The following GARNL3 variants were observed in gnomAD, a reference collection of about 807,000 sequenced individuals.
The protein encoded by GARNL3 is GTPase-activating Rap/Ran-GAP domain-like protein 3.
A neutral mutation model predicts 125.0 loss-of-function variants in GARNL3; 63 were observed. The ratio of observed to expected loss-of-function variants is 0.50; its 90% CI spans 0.41 to 0.62. The LOEUF is 0.62. Among genes scored for constraint, GARNL3 ranks in the 20% least tolerant of loss-of-function variants. GARNL3 has a pLI of 0.00. For synonymous variants in GARNL3, 439 were observed against 457.5 expected, an observed-to-expected ratio of 0.96 and a Z score of 0.52; for missense variants, 994 against 1,244.0, an observed-to-expected ratio of 0.80 and a Z score of 3.02.
Position 127,266,160 on chromosome 9 carries a change from G to C in GARNL3, c.144+1139G>C, listed in dbSNP as rs866314101. On this transcript the variant is annotated intron_variant, in intron 1 of 27. Coordinates refer to ENST00000373387, the MANE Select transcript of GARNL3 (RefSeq NM_032293.5). The surrounding 1 kb of genome is among the most constrained non-coding windows in gnomAD (Gnocchi z 4.0). ...ACCACCACCTCCCCTGAAGGAGCAG[G>C]TGCATAGCTATAAGTCAGAGTAGGA... is the stretch of plus-strand genomic sequence containing the variant. Among the ~76,000 whole-genome samples the C allele has an allele frequency of 6.6e-6, 1 of 152,200 alleles. No individual in the cohort carries two copies. The highest frequency in any genetic ancestry group is 2.4e-5 in the African/African-American group (1 of 41,460).
intron 1 of GARNL3, among the ~76,000 whole-genome samples, chr9:127,283,887 C>T (rs947674242): frequency 6.6e-6 from 1 of 152,116 alleles, no homozygotes; most frequent in Non-Finnish European, 1.5e-5. Flanking sequence ...GGTGTATGAC[C>T]ATAGCAGAGA....
chr9:127,318,670 A>C (rs2065307301), intron 5 of GARNL3, among the ~76,000 whole-genome samples: 6 of 143,550 alleles, frequency 4.2e-5, no homozygotes, highest in African/African-American at 7.7e-5. Context: ...CCACCCTCCC[A>C]CCTCCCTCTC....
At chr9:127,343,701 G>A (rs1829987798) in intron 14 of GARNL3, among the ~76,000 whole-genome samples, 1 of 152,204 alleles carries the variant, frequency 6.6e-6, no homozygotes, top group African/African-American at 2.4e-5. Context: ...TACTAAGTAT[G>A]CACTAGGCAC....
At chr9:127,269,554 T>C (rs2063772381) in intron 1 of GARNL3, among the ~76,000 whole-genome samples, 1 of 152,262 alleles carries the variant, frequency 6.6e-6, no homozygotes, top group South Asian at 2.1e-4. Flanking sequence ...AAAGTTTCTA[T>C]TTCTCCACAA....
At chr9:127,302,347 A>G (rs559044168) in intron 2 of GARNL3, among the ~76,000 whole-genome samples, 4 of 152,272 alleles carry the variant, frequency 2.6e-5, no homozygotes, top group African/African-American at 7.2e-5. Context: ...AAGACCTTCT[A>G]TTGCTAGGAC....
chr9:127,366,670 G>A (rs892910721), intron 22 of GARNL3: 2 of 152,228 alleles, frequency 1.3e-5, no homozygotes, highest in Non-Finnish European at 2.9e-5. Flanking sequence ...GAGAAGTTAA[G>A]AACAGAAAGA....
chr9:127,277,840 A>T (rs2063996732), intron 1 of GARNL3, among the ~76,000 whole-genome samples: 1 of 152,178 alleles, frequency 6.6e-6, no homozygotes, highest in Non-Finnish European at 1.5e-5. Flanking sequence ...TTCACTATCT[A>T]GAACCCCACA....
At chr9:127,231,183 T>C (rs1486448396) in intron 1 of GARNL3, among the ~76,000 whole-genome samples, 5 of 146,512 alleles carry the variant, frequency 3.4e-5, no homozygotes, top group African/African-American at 1.2e-4. Context: ...GCTTCCCTAG[T>C]AGCTGGGACT....
chr9:127,384,537 T>C lies in GARNL3; in HGVS notation c.2270-490T>C, dbSNP rs1003788829. ...GGACACTGCGAGGGCCAGTGAGGAA[T>C]AAGATGCAGCCCCGGCTCAGACGTG... On this transcript the variant is annotated intron_variant, in intron 23 of 27. Transcript: ENST00000373387. This position sits in a 1 kb window ranked among gnomAD's most constrained non-coding sequence, Gnocchi z 4.0. 5.9e-5 allele frequency among the ~76,000 whole-genome samples: 9 copies of C among 152,080 alleles called. No individual in the cohort carries two copies. The highest frequency in any genetic ancestry group is 5.9e-5 in the Non-Finnish European group (4 of 68,012).
chr9:127,243,041 TCTG>T, intron 1 of GARNL3: 1 of 1,317,690 alleles, frequency 7.6e-7, no homozygotes, highest in Non-Finnish European at 1.0e-6. Context: ...GCCGTTCTTC[TCTG>T]TCTCTTAGTG....
rs775625510 is a variant in GARNL3, at chr9:127,336,125, C to T, written c.874-3C>T. 2 of 1,606,026 alleles carry T rather than the reference C, an allele frequency of 1.2e-6. No individual in the cohort carries two copies. Among genetic ancestry groups the T allele is most frequent in the Admixed American group, 3.3e-5 (2 of 59,846 alleles). ...TCAGTGATGTTATTTATGCTCACTA[C>T]AGGTGGAAAGGAAACGCCACATTGG... On this transcript the variant is annotated splice_region_variant and splice_polypyrimidine_tract_variant and intron_variant, in intron 10 of 27. Transcript: ENST00000373387.
At chr9:127,278,048 T>G (rs1461994177) in intron 1 of GARNL3, among the ~76,000 whole-genome samples, 1 of 152,220 alleles carries the variant, frequency 6.6e-6, no homozygotes, top group Non-Finnish European at 1.5e-5. Context: ...TTCTTTTTTC[T>G]TAAATTTTTT....
chr9:127,259,305 A>C (rs1405709235), upstream of GARNL3, among the ~76,000 whole-genome samples: 1 of 152,210 alleles, frequency 6.6e-6, no homozygotes, highest in Non-Finnish European at 1.5e-5. Context: ...GGAGGTCCTC[A>C]GCTCTGTTCA....
chr9:127,244,584 G>A (rs1441996646), intron 2 of GARNL3, among the ~76,000 whole-genome samples: 2 of 152,188 alleles, frequency 1.3e-5, no homozygotes, highest in African/African-American at 4.8e-5. Flanking sequence ...GGTAGACGTT[G>A]AGAAACGCTG....
chr9:127,275,915 C>T (rs570004895), intron 1 of GARNL3, among the ~76,000 whole-genome samples: 4 of 152,062 alleles, frequency 2.6e-5, no homozygotes, highest in Admixed American at 6.6e-5. Context: ...TCAAACTGTG[C>T]GTGCATAATA....
At chr9:127,351,483 AAAG>A (rs569339736) in intron 17 of GARNL3, among the ~76,000 whole-genome samples, 82 of 152,116 alleles carry the variant, frequency 5.4e-4, no homozygotes, top group Non-Finnish European at 9.9e-4. Flanking sequence ...CTTAAAAAAA[AAAG>A]AAGAAGAATC....
intron 1 of GARNL3, among the ~76,000 whole-genome samples, chr9:127,286,758 A>C (rs552401242): frequency 2.0e-5 from 3 of 152,226 alleles, no homozygotes; most frequent in African/African-American, 7.2e-5. Context: ...TGTCTTGTAG[A>C]ACATTTTCTC....
chr9:127,304,636 A>G (rs2064897633), intron 2 of GARNL3, among the ~76,000 whole-genome samples: 1 of 136,536 alleles, frequency 7.3e-6, no homozygotes, highest in African/African-American at 2.7e-5. Context: ...CTTGGATTCT[A>G]GTGATTCTTG....
intron 16 of GARNL3, among the ~76,000 whole-genome samples, chr9:127,347,433 T>TA (rs1830201727): frequency 6.6e-6 from 1 of 151,916 alleles, no homozygotes; most frequent in South Asian, 2.1e-4. Context: ...AAATAAAATT[T>TA]AAAAAAAGGT....
Sources: gnomAD v4.1 joint callset for allele counts (sites outside exome capture counted in the v4.1 genomes callset) on GRCh38, gnomAD v4.1.1 for gene constraint, Gnocchi (gnomAD v3.1) non-coding constraint, MANE v1.5 for transcripts, NCBI Gene and HGNC (gene_info 2026-07-23, HGNC 2026-07-21) for gene names.